Variants in MEIS1 observed in about 807,000 individuals in gnomAD.
MEIS1 encodes homeobox protein Meis1.
Under a neutral mutation model 50.8 loss-of-function variants are expected in MEIS1, and 5 were observed. The ratio of observed to expected loss-of-function variants is 0.10; its 90% CI spans 0.05 to 0.21. The LOEUF is 0.21. Ranked by LOEUF, MEIS1 falls within the 10% of genes least tolerant of loss-of-function variation. The pLI, the probability that MEIS1 is intolerant of heterozygous loss-of-function variation, is 1.00. For synonymous variants in MEIS1, 176 were observed against 179.3 expected, an observed-to-expected ratio of 0.98 and a Z score of 0.15; for missense variants, 318 against 517.3, an observed-to-expected ratio of 0.61 and a Z score of 3.74.
chr2:66,441,274 ATTAAGT>A (rs1346488921), intron 4 of MEIS1, 134 bp from the exon 5 acceptor site: 5 of 644,934 alleles, frequency 7.8e-6, no homozygotes, highest in East Asian at 6.6e-5. Context: ...AGTTGCTGCT[ATTAAGT>A]TTTAGTGTTA....
At chr2:66,513,956 G>T (rs1242249598) in intron 8 of MEIS1, among the ~76,000 whole-genome samples, 1 of 152,142 alleles carries the variant, frequency 6.6e-6, no homozygotes, top group Admixed American at 6.5e-5. Context: ...AGTGGCAATT[G>T]GTCAAAGGTG....
At chr2:66,436,978 G>T (rs535265913) in intron 1 of MEIS1, 31 of 978,340 alleles carry the variant, frequency 3.2e-5, no homozygotes, top group Non-Finnish European at 3.8e-5. Flanking sequence ...TTCTAGTCTG[G>T]AAACAAAGTT....
chr2:66,572,506 T>C lies in MEIS1; in HGVS notation c.*1298T>C, dbSNP rs535485775. ...TGTAAAAGTAGCAGTTTGGTATGAG[T>C]TGGCATGCATACAAGATTTACTAAG... On this transcript the variant is annotated 3_prime_UTR_variant, in exon 13 of 13. Transcript: ENST00000272369. 2 of 152,230 alleles carry C rather than the reference T, an allele frequency of 1.3e-5. No homozygotes were observed. The highest frequency in any genetic ancestry group is 4.8e-5 in the African/African-American group (2 of 41,534). 9.4% of individuals were successfully genotyped at this position (152,230 alleles called of 1,614,324 possible). A position where few individuals can be genotyped will look rare whatever the true frequency, so the allele number is the denominator to read the frequency against.
At chr2:66,532,103 GA>G (rs1173116113) in intron 8 of MEIS1, among the ~76,000 whole-genome samples, 1 of 152,184 alleles carries the variant, frequency 6.6e-6, no homozygotes, top group African/African-American at 2.4e-5. Context: ...GTTCCTATGG[GA>G]ATTAGTTTTG....
intron 3 of MEIS1, 70 bp downstream of exon 3, chr2:66,440,054 C>T (rs2271856): frequency 0.63 from 909,726 of 1,446,222 alleles, 286,942 homozygotes; most frequent in South Asian, 0.72. Context: ...CACACACGCG[C>T]GCGCGCGCGC....
intron 9 of MEIS1, among the ~76,000 whole-genome samples, chr2:66,559,638 G>A (rs1054923480): frequency 5.3e-5 from 8 of 152,142 alleles, no homozygotes; most frequent in Admixed American, 4.6e-4. Flanking sequence ...ATTAGTAGAG[G>A]AAGTTTTGCT....
At position 66,461,813 on chromosome 2, in the gene MEIS1, A is replaced by G. The variant is rs757382747; in HGVS notation, c.631-2296A>G. 5.3e-5 allele frequency: 25 copies of G among 467,914 alleles called. 1 individual carries two copies. The highest frequency in any genetic ancestry group is 3.9e-4 in the South Asian group (25 of 63,636). 29.0% of individuals were successfully genotyped at this position (467,914 alleles called of 1,614,324 possible). A position where few individuals can be genotyped will look rare whatever the true frequency, so the allele number is the denominator to read the frequency against. The stretch of plus-strand genomic sequence containing the variant: ...GGAATGCCTCACAGATCATAGCGGA[A>G]TCAGAATTTCCAGCAAGGAAAATCT... On this transcript the variant is annotated intron_variant, in intron 6 of 12. Transcript: ENST00000272369.
At chr2:66,551,845 A>G (rs909761000) in intron 9 of MEIS1, among the ~76,000 whole-genome samples, 2 of 152,106 alleles carry the variant, frequency 1.3e-5, no homozygotes, top group African/African-American at 2.4e-5. Flanking sequence ...AAATAATAGC[A>G]TCAGGGGCTT....
chr2:66,478,952 A>T (rs1173086811), intron 7 of MEIS1, among the ~76,000 whole-genome samples: 2 of 152,216 alleles, frequency 1.3e-5, no homozygotes, highest in East Asian at 3.9e-4. Context: ...CCTCATTCTT[A>T]TGACCGCAAT....
chr2:66,465,269 T>C (rs1368173947), intron 7 of MEIS1, among the ~76,000 whole-genome samples: 1 of 152,222 alleles, frequency 6.6e-6, no homozygotes, highest in East Asian at 1.9e-4. Flanking sequence ...TCAACAAATA[T>C]AATTTTAAAC....
intron 7 of MEIS1, among the ~76,000 whole-genome samples, chr2:66,507,672 A>AG (rs1190068702): frequency 1.3e-5 from 2 of 152,146 alleles, no homozygotes; most frequent in African/African-American, 4.8e-5. Flanking sequence ...TAGTAGGGAG[A>AG]GAAAAAAAAT....
intron 7 of MEIS1, among the ~76,000 whole-genome samples, chr2:66,475,611 AATTAC>A (rs1672875771): frequency 6.6e-6 from 1 of 152,176 alleles, no homozygotes; most frequent in South Asian, 2.1e-4. Context: ...AAATATAATT[AATTAC>A]AAGATTTACA....
At chr2:66,498,833 T>C (rs1673477128) in intron 7 of MEIS1, among the ~76,000 whole-genome samples, 1 of 152,160 alleles carries the variant, frequency 6.6e-6, no homozygotes, top group African/African-American at 2.4e-5. Flanking sequence ...GCCTCGGCAG[T>C]CCCTGGGAGC....
intron 6 of MEIS1, among the ~76,000 whole-genome samples, chr2:66,447,274 C>T (rs1672175212): frequency 6.6e-6 from 1 of 152,148 alleles, no homozygotes; most frequent in Non-Finnish European, 1.5e-5. Context: ...TAAATGCTTC[C>T]ATTTGTATAC....
intron 7 of MEIS1, among the ~76,000 whole-genome samples, chr2:66,506,780 A>C (rs1673693973): frequency 6.6e-6 from 1 of 152,208 alleles, no homozygotes; most frequent in Non-Finnish European, 1.5e-5. Flanking sequence ...CATACCATAG[A>C]AACATTATCC....
At chr2:66,515,901 T>A (rs1178888555) in intron 8 of MEIS1, among the ~76,000 whole-genome samples, 1 of 152,230 alleles carries the variant, frequency 6.6e-6, no homozygotes, top group Non-Finnish European at 1.5e-5. Flanking sequence ...TCACTGTGTA[T>A]TCACAATCAG....
intron 8 of MEIS1, among the ~76,000 whole-genome samples, chr2:66,515,747 G>T (rs540910186): frequency 6.6e-6 from 1 of 152,174 alleles, no homozygotes; most frequent in South Asian, 2.1e-4. Flanking sequence ...CTATTCCCTG[G>T]AATTGAAAGG....
chr2:66,556,961 C>G (rs952274435), intron 9 of MEIS1, among the ~76,000 whole-genome samples: 6 of 152,094 alleles, frequency 3.9e-5, no homozygotes, highest in African/African-American at 1.4e-4. Context: ...ACATAAGAAG[C>G]ATGTCACAAT....
At chr2:66,440,074 CA>C in intron 3 of MEIS1, 90 bp downstream of exon 3, 1 of 1,076,726 alleles carries the variant, frequency 9.3e-7, no homozygotes, top group East Asian at 2.6e-5. Flanking sequence ...CGCGAACACA[CA>C]CACACACACA....
Sources: gnomAD v4.1 joint callset for allele counts (sites outside exome capture counted in the v4.1 genomes callset) on GRCh38, gnomAD v4.1.1 for gene constraint, MANE v1.5 for transcripts, NCBI Gene and HGNC (gene_info 2026-07-23, HGNC 2026-07-21) for gene names.